The following AGMO variants were observed in gnomAD, a reference collection of about 807,000 sequenced individuals.
The protein encoded by AGMO is glyceryl-ether monooxygenase.
Under a neutral mutation model 60.2 loss-of-function variants are expected in AGMO, and 75 were observed. The ratio of observed to expected loss-of-function variants is 1.25; its 90% CI spans 1.03 to 1.51. The LOEUF (loss-of-function observed/expected upper bound fraction) is 1.51. Among genes scored for constraint, AGMO ranks in the 40% most tolerant of loss-of-function variants. The pLI, the probability that AGMO is intolerant of heterozygous loss-of-function variation, is 0.00. For missense variants in AGMO, 763 were observed against 525.5 expected, an observed-to-expected ratio of 1.45 and a Z score of -4.42; for synonymous variants, 261 against 177.1, an observed-to-expected ratio of 1.47 and a Z score of -3.76.
At chr7:15,144,673 T>A in the AGMO span, among the ~76,000 whole-genome samples, 1 of 152,240 alleles carries the variant, frequency 6.6e-6, no homozygotes, top group South Asian at 2.1e-4. Context: ...TACATGGCTG[T>A]CTGCCCTTGC....
intron 12 of AGMO, among the ~76,000 whole-genome samples, chr7:15,279,023 C>G: frequency 6.6e-6 from 1 of 152,168 alleles, no homozygotes; most frequent in East Asian, 1.9e-4. Flanking sequence ...AATCTTCCCA[C>G]TCTGAGAAGT....
chr7:15,235,441 T>G (rs1471275698), intron 12 of AGMO, among the ~76,000 whole-genome samples: 1 of 152,150 alleles, frequency 6.6e-6, no homozygotes, highest in Non-Finnish European at 1.5e-5. Context: ...GGTTGAAATT[T>G]AAGGTTTCTT....
At chr7:15,122,428 A>C in the AGMO span, among the ~76,000 whole-genome samples, 4 of 152,122 alleles carry the variant, frequency 2.6e-5, no homozygotes, top group Non-Finnish European at 4.4e-5. Context: ...ACCAATTGCT[A>C]AATTAACATT....
At chr7:15,530,594 A>G (rs1255694865) in intron 3 of AGMO, among the ~76,000 whole-genome samples, 90 of 124,748 alleles carry the variant, frequency 7.2e-4, no homozygotes, top group African/African-American at 2.4e-3. Flanking sequence ...TTCTATATAT[A>G]TATTCTATAT....
intron 10 of AGMO, among the ~76,000 whole-genome samples, chr7:15,371,980 CT>C (rs1783237138): frequency 6.6e-6 from 1 of 151,404 alleles, no homozygotes; most frequent in African/African-American, 2.4e-5. Flanking sequence ...CCTTTAATTC[CT>C]TAAAAAACAG....
At chr7:15,535,570 C>T (rs1784465875) in intron 3 of AGMO, among the ~76,000 whole-genome samples, 1 of 151,934 alleles carries the variant, frequency 6.6e-6, no homozygotes, top group African/African-American at 2.4e-5. Flanking sequence ...TGGCATATTA[C>T]ATAGGATACA....
the AGMO span, among the ~76,000 whole-genome samples, chr7:15,158,432 T>TAAC: frequency 0.015 from 2,309 of 152,296 alleles, 67 homozygotes; most frequent in African/African-American, 0.051. Context: ...TTAAAAGGTG[T>TAAC]AACAACAACA....
the AGMO span, among the ~76,000 whole-genome samples, chr7:15,141,400 C>T: frequency 1.3e-5 from 2 of 152,030 alleles, no homozygotes; most frequent in African/African-American, 2.4e-5. Flanking sequence ...CCTTGGCAAA[C>T]GATGAAACCA....
chr7:15,481,733 C>A (rs6461187), intron 3 of AGMO, among the ~76,000 whole-genome samples: 61,149 of 150,352 alleles, frequency 0.41, 13,392 homozygotes, highest in East Asian at 0.61. Flanking sequence ...AGGATCCGCC[C>A]ATACAATTCT....
intron 3 of AGMO, among the ~76,000 whole-genome samples, chr7:15,501,884 C>G (rs1242100588): frequency 6.6e-6 from 1 of 151,926 alleles, no homozygotes; most frequent in Admixed American, 6.6e-5. Flanking sequence ...TTTCAAGGAG[C>G]TTTCCCTATC....
At chr7:15,369,585 C>T (rs1014828177) in intron 10 of AGMO, among the ~76,000 whole-genome samples, 1 of 152,074 alleles carries the variant, frequency 6.6e-6, no homozygotes, top group African/African-American at 2.4e-5. Flanking sequence ...ATGTCCTTGT[C>T]CCTCCGACAC....
chr7:15,520,353 A>G (rs1416084638), intron 3 of AGMO, among the ~76,000 whole-genome samples: 3 of 152,210 alleles, frequency 2.0e-5, no homozygotes, highest in Admixed American at 1.3e-4. Context: ...CAGACCTAAT[A>G]GACATCTACA....
intron 12 of AGMO, among the ~76,000 whole-genome samples, chr7:15,313,843 T>C (rs1457257992): frequency 2.6e-5 from 4 of 152,044 alleles, no homozygotes; most frequent in African/African-American, 9.7e-5. Context: ...TATAGCAATG[T>C]TCTGTAATAA....
intron 3 of AGMO, among the ~76,000 whole-genome samples, chr7:15,502,347 G>A (rs534245705): frequency 3.3e-5 from 5 of 151,950 alleles, no homozygotes; most frequent in African/African-American, 9.6e-5. Flanking sequence ...GGCAGCATGG[G>A]TGAATGCAAG....
the AGMO span, among the ~76,000 whole-genome samples, chr7:15,179,355 A>T: frequency 6.6e-6 from 1 of 152,154 alleles, no homozygotes; most frequent in African/African-American, 2.4e-5. Context: ...AAATCAAACA[A>T]ATTATCTACT....
chr7:15,279,128 AT>A (rs1287634854), intron 12 of AGMO, among the ~76,000 whole-genome samples: 2 of 152,082 alleles, frequency 1.3e-5, no homozygotes, highest in Non-Finnish European at 2.9e-5. Flanking sequence ...CAGCTCCCTG[AT>A]TACTCTGCAG....
At chr7:15,136,078 C>T in the AGMO span, among the ~76,000 whole-genome samples, 1 of 145,804 alleles carries the variant, frequency 6.9e-6, no homozygotes, top group Non-Finnish European at 1.5e-5. Context: ...ACTGCAACCT[C>T]TGCCTCCTGG....
intron 12 of AGMO, among the ~76,000 whole-genome samples, chr7:15,216,832 AAGTG>A (rs1417663323): frequency 1.7e-5 from 1 of 59,600 alleles, no homozygotes; most frequent in African/African-American, 5.2e-5. Context: ...GTGAAAGAAA[AAGTG>A]TGTGTGTGTG....
chr7:15,332,091 C>G (rs1337175170), intron 12 of AGMO, among the ~76,000 whole-genome samples: 1 of 152,076 alleles, frequency 6.6e-6, no homozygotes, highest in Non-Finnish European at 1.5e-5. Context: ...AGGTACCTAA[C>G]AGACCACATA....
Sources: allele counts gnomAD v4.1 joint callset (sites outside exome capture counted in the v4.1 genomes callset), GRCh38; gene constraint gnomAD v4.1.1; transcripts MANE v1.5; gene names NCBI Gene and HGNC (gene_info 2026-07-23, HGNC 2026-07-21).